PSPC1: variants seen among roughly 807,000 people sequenced by gnomAD.
PSPC1 encodes paraspeckle protein 1.
In PSPC1, 14 loss-of-function variants were observed where a neutral mutation model predicts 51.6. That is an observed-to-expected ratio of 0.27 (90% CI 0.18 to 0.42). The LOEUF (loss-of-function observed/expected upper bound fraction) is 0.42, where lower values mean the gene tolerates loss of function less well. Ranked by LOEUF, PSPC1 falls within the 10% of genes least tolerant of loss-of-function variation. The pLI, the probability that PSPC1 is intolerant of heterozygous loss-of-function variation, is 1.00. For missense variants in PSPC1, 406 were observed against 701.1 expected (o/e 0.58, Z 4.75); for synonymous variants, 193 against 231.9 (o/e 0.83, Z 1.53).
chr13:19,761,688 T>C (rs1221014150), intron 2 of PSPC1, among the ~76,000 whole-genome samples: 1 of 152,122 alleles, frequency 6.6e-6, no homozygotes, highest in African/African-American at 2.4e-5. Flanking sequence ...ATAAACTGAA[T>C]AGGAACCCAA....
At chr13:19,677,905 T>C (rs1335104649) in intron 6 of PSPC1, 9 of 450,686 alleles carry the variant, frequency 2.0e-5, no homozygotes, top group Non-Finnish European at 4.0e-5. Flanking sequence ...TTAACTCATT[T>C]AGTAAATTCA....
In PSPC1 at chr13:19,741,633, T is replaced by C. The variant is rs377302875; in HGVS notation, c.984A>G (p.Gln328=). ...GTTCTTCCAAGCGTCTGAGTTCTTC[T>C]TGACGCCTCATTAGATCTATAAAAT... is the stretch of plus-strand genomic sequence containing the variant. The part of the protein sequence containing the change: ...MLMRQDLMRR[Q]EELRRLEELR... The change falls in exon 5 of 9, where the codon CAA becomes CAG. Residue 328 remains glutamine (Q), a synonymous_variant. Transcript: ENST00000338910. 79 of 1,600,468 alleles carry C rather than the reference T, an allele frequency of 4.9e-5. No homozygotes were observed. Among genetic ancestry groups the C allele is most frequent in the Non-Finnish European group, 5.7e-5 (67 of 1,171,866 alleles).
chr13:19,708,253 T>TA (rs1390191666), intron 7 of PSPC1, among the ~76,000 whole-genome samples: 2 of 152,216 alleles, frequency 1.3e-5, no homozygotes, highest in Non-Finnish European at 2.9e-5. Flanking sequence ...TTTCATTTGA[T>TA]AGACTATATA....
intron 6 of PSPC1, among the ~76,000 whole-genome samples, chr13:19,695,779 A>G (rs1184919459): frequency 6.6e-6 from 1 of 152,164 alleles, no homozygotes; most frequent in Admixed American, 6.5e-5. Context: ...ATTTTTGTAG[A>G]GATGTAACTC....
At chr13:19,737,919 C>A (rs1885017101) in intron 5 of PSPC1, among the ~76,000 whole-genome samples, 1 of 151,956 alleles carries the variant, frequency 6.6e-6, no homozygotes, top group Admixed American at 6.6e-5. Context: ...AATCCCATCT[C>A]TATAAAAAAA....
intron 6 of PSPC1, among the ~76,000 whole-genome samples, chr13:19,719,741 G>C (rs1882543077): frequency 6.6e-6 from 1 of 152,188 alleles, no homozygotes; most frequent in Non-Finnish European, 1.5e-5. Context: ...AATACATAGG[G>C]TGGCTTTCTA....
chr13:19,740,285 G>A (rs1885302059), intron 5 of PSPC1, among the ~76,000 whole-genome samples: 1 of 151,974 alleles, frequency 6.6e-6, no homozygotes, highest in African/African-American at 2.4e-5. Flanking sequence ...GGAGGTTGCT[G>A]TGAGCCGAGA....
At chr13:19,732,792 T>C (rs1039157942) in intron 5 of PSPC1, among the ~76,000 whole-genome samples, 11 of 151,960 alleles carry the variant, frequency 7.2e-5, no homozygotes, top group Non-Finnish European at 1.2e-4. Flanking sequence ...CTGGACGCGG[T>C]GGCACGTGCA....
chr13:19,702,499 GTTT>G lies in PSPC1; in HGVS notation c.*673_*675del, dbSNP rs1271196658. The G allele has an allele frequency of 2.0e-5, 3 of 151,980 alleles. No homozygotes were observed. Among genetic ancestry groups the G allele is most frequent in the Admixed American group, 2.0e-4 (3 of 15,274 alleles). The allele number at this position is 151,980 out of a possible 1,614,324, so 9.4% of individuals were successfully genotyped here. A position where few individuals can be genotyped will look rare whatever the true frequency, so the allele number is the denominator to read the frequency against. On this transcript the variant is annotated 3_prime_UTR_variant, in exon 9 of 9. Coordinates refer to ENST00000338910, the MANE Select transcript of PSPC1 (RefSeq NM_001354909.2). ...AGCAAAAGAGATTTGCCTTCAAACA[GTTT>G]TTTTCAAGATGAAAAAGATTTATTT...
At chr13:19,714,225 G>T (rs545203233) in intron 6 of PSPC1, among the ~76,000 whole-genome samples, 8 of 152,194 alleles carry the variant, frequency 5.3e-5, no homozygotes, top group South Asian at 4.1e-4. Flanking sequence ...TCATAATTGA[G>T]GTGCATGTTG....
Position 19,702,938 on chromosome 13 carries a change from T to C in PSPC1, c.*237A>G, listed in dbSNP as rs377667920. On this transcript the variant is annotated 3_prime_UTR_variant, in exon 9 of 9. Coordinates refer to ENST00000338910, the MANE Select transcript of PSPC1 (RefSeq NM_001354909.2). Reference sequence around the variant, plus strand: ...ATTTCACAGTACTATGGAATACTTATATTTAGCTAAAGTCACAAACACATT... The same window carrying C: ...ATTTCACAGTACTATGGAATACTTACATTTAGCTAAAGTCACAAACACATT... 1.5e-4 allele frequency: 56 copies of C among 379,184 alleles called. No individual in the cohort carries two copies. In the East Asian group the frequency reaches 2.2e-3, roughly 15 times the overall value. The allele number at this position is 379,184 out of a possible 1,614,324, so 23.5% of individuals were successfully genotyped here. A position where few individuals can be genotyped will look rare whatever the true frequency, so the allele number is the denominator to read the frequency against.
rs1182631136 is a variant in PSPC1 at position 19,782,787 on chromosome 13, C to T, written c.-30G>A. 4 of 1,514,540 alleles carry T rather than the reference C, an allele frequency of 2.6e-6. No individual in the cohort carries two copies. The African/African-American group carries it at 4.4e-5, about 17-fold the overall frequency. The allele number at this position is 1,514,540 out of a possible 1,614,324, so 93.8% of individuals were successfully genotyped here. On this transcript the variant is annotated 5_prime_UTR_variant, in exon 1 of 9. Transcript: ENST00000338910. This position sits in a 1 kb window ranked among gnomAD's most constrained non-coding sequence, Gnocchi z 4.5. ...CTGAGTTCGCCTCGGACACCGGATACAGGCCTAGATTTATAGACAGTGTGT... is the reference window on the plus strand; with the variant it reads ...CTGAGTTCGCCTCGGACACCGGATATAGGCCTAGATTTATAGACAGTGTGT...
At chr13:19,764,646 A>G (rs1887887152) in intron 2 of PSPC1, among the ~76,000 whole-genome samples, 1 of 134,302 alleles carries the variant, frequency 7.4e-6, no homozygotes, top group Non-Finnish European at 1.5e-5. Context: ...TGATCGTGCC[A>G]CTGCACTCCA....
At chr13:19,759,236 G>C in intron 3 of PSPC1, 87 bp downstream of exon 3, 2 of 1,004,748 alleles carry the variant, frequency 2.0e-6, no homozygotes, top group South Asian at 2.7e-5. Context: ...TAAATAAACA[G>C]AACACCTCAT....
chr13:19,747,435 G>T lies in PSPC1; in HGVS notation c.967+3836C>A, dbSNP rs1460475185. 2.6e-5 allele frequency among the ~76,000 whole-genome samples: 4 copies of T among 152,074 alleles called. No homozygotes were observed. In the East Asian group the frequency reaches 7.7e-4, roughly 29 times the overall value. On this transcript the variant is annotated intron_variant, in intron 4 of 8. Coordinates refer to ENST00000338910, the MANE Select transcript of PSPC1 (RefSeq NM_001354909.2). ...CAGCCTCAAGCTCCCAGGCTCAAGT[G>T]ATCCTCCCACCTAAGCCTTCCCAAG...
At chr13:19,759,149 C>CAA (rs60521133) in intron 3 of PSPC1, among the ~76,000 whole-genome samples, 174 bp downstream of exon 3, 4 of 150,822 alleles carry the variant, frequency 2.7e-5, no homozygotes, top group Non-Finnish European at 3.0e-5. Context: ...GATACTATCT[C>CAA]AAAAAAAACA....
At chr13:19,764,849 T>A (rs1442668020) in intron 2 of PSPC1, among the ~76,000 whole-genome samples, 3 of 152,044 alleles carry the variant, frequency 2.0e-5, no homozygotes, top group Admixed American at 6.6e-5. Flanking sequence ...TCCTCCCACC[T>A]CAGCCTCCCA....
intron 7 of PSPC1, among the ~76,000 whole-genome samples, chr13:19,708,830 A>AGAAACTATCAATTTCCAACTCG (rs959380262): frequency 6.6e-6 from 1 of 152,200 alleles, no homozygotes; most frequent in East Asian, 1.9e-4. Context: ...AACACAACTC[A>AGAAACTATCAATTTCCAACTCG]GAAACTATCA....
intron 6 of PSPC1, among the ~76,000 whole-genome samples, chr13:19,690,145 T>G (rs79798529): frequency 0.01 from 1,548 of 152,346 alleles, 27 homozygotes; most frequent in African/African-American, 0.035. Flanking sequence ...ATATCCAATG[T>G]ATCAAAACCT....
Sources: gnomAD v4.1 joint callset for allele counts (sites outside exome capture counted in the v4.1 genomes callset) on GRCh38, gnomAD v4.1.1 for gene constraint, Gnocchi (gnomAD v3.1) non-coding constraint, MANE v1.5 for transcripts, NCBI Gene and HGNC (gene_info 2026-07-23, HGNC 2026-07-21) for gene names.